Variants in KCNH7 observed in about 807,000 individuals in gnomAD.
The protein encoded by KCNH7 is voltage-gated inwardly rectifying potassium channel KCNH7.
KCNH7 carries 49 observed loss-of-function variants against 120.8 expected under a neutral mutation model. The observed-to-expected ratio is 0.41, with a 90% CI of 0.32 to 0.51. The LOEUF (loss-of-function observed/expected upper bound fraction) is 0.51. Ranked by LOEUF, KCNH7 falls within the 20% of genes least tolerant of loss-of-function variation. KCNH7 has a pLI of 0.38. For synonymous variants in KCNH7, 547 were observed against 516.1 expected (o/e 1.06, Z -0.81); for missense variants, 1,097 against 1,446.6 (o/e 0.76, Z 3.92).
At chr2:162,681,944 C>A (rs939251721) in intron 2 of KCNH7, among the ~76,000 whole-genome samples, 4 of 151,378 alleles carry the variant, frequency 2.6e-5, no homozygotes, top group African/African-American at 7.3e-5. Flanking sequence ...CTCTTTGACA[C>A]TTGTCATTTG....
At chr2:162,518,619 G>C (rs1258371126) in intron 3 of KCNH7, among the ~76,000 whole-genome samples, 1 of 151,692 alleles carries the variant, frequency 6.6e-6, no homozygotes, top group Admixed American at 6.6e-5. Flanking sequence ...GGAAGGAAGT[G>C]AGGTGAGGTA....
At chr2:162,547,173 G>T (rs1476370005) in intron 2 of KCNH7, among the ~76,000 whole-genome samples, 1 of 152,134 alleles carries the variant, frequency 6.6e-6, no homozygotes, top group African/African-American at 2.4e-5. Flanking sequence ...CAGATCTTGT[G>T]AGAATTCACT....
intron 2 of KCNH7, among the ~76,000 whole-genome samples, chr2:162,712,792 T>C (rs1350964679): frequency 6.6e-6 from 1 of 152,196 alleles, no homozygotes; most frequent in Non-Finnish European, 1.5e-5. Context: ...AGCTTTCACT[T>C]TCCAAGCCAC....
At chr2:162,640,698 A>G (rs1684122517) in intron 2 of KCNH7, among the ~76,000 whole-genome samples, 1 of 152,154 alleles carries the variant, frequency 6.6e-6, no homozygotes, top group Non-Finnish European at 1.5e-5. Context: ...AAAATTGACA[A>G]TTTGGATTTT....
Position 162,622,218 on chromosome 2 carries a change from C to T in KCNH7, c.308-85138G>A, listed in dbSNP as rs116749222. Among the ~76,000 whole-genome samples, 684 of 152,284 alleles carry T rather than the reference C, an allele frequency of 4.5e-3. 7 individuals carry two copies. Among genetic ancestry groups the T allele is most frequent in the African/African-American group, 0.016 (657 of 41,560 alleles). ...GTGCCTTGCTGATGAAAATGATCAG[C>T]TCGGCATTCACATAAAACATCATGG... On this transcript the variant is annotated intron_variant, in intron 2 of 15. Coordinates refer to ENST00000332142, the MANE Select transcript of KCNH7 (RefSeq NM_033272.4).
intron 6 of KCNH7, among the ~76,000 whole-genome samples, chr2:162,503,142 C>T (rs982690961): frequency 1.3e-5 from 2 of 152,054 alleles, no homozygotes; most frequent in African/African-American, 4.8e-5. Flanking sequence ...CCATGCTGTG[C>T]TTCTCTTTAA....
intron 2 of KCNH7, among the ~76,000 whole-genome samples, chr2:162,570,216 G>A (rs896733271): frequency 1.2e-4 from 18 of 149,582 alleles, no homozygotes; most frequent in African/African-American, 4.4e-4. Flanking sequence ...AGGTGCTCCT[G>A]TATTGGGTGC....
chr2:162,547,049 G>A (rs913355697), intron 2 of KCNH7, among the ~76,000 whole-genome samples: 2 of 152,052 alleles, frequency 1.3e-5, no homozygotes, highest in African/African-American at 2.4e-5. Flanking sequence ...GCATGGTTGG[G>A]GAGGCCTCAG....
chr2:162,536,909 A>C lies in KCNH7; in HGVS notation c.463+16T>G. ...GAATTATCAAGAGCATTGAGTACAC[A>C]TTGCCTTTTACTTACGGTTTACAGT... On this transcript the variant is annotated intron_variant, in intron 3 of 15. Transcript: ENST00000332142. 1 of 1,608,238 alleles carries C rather than the reference A, an allele frequency of 6.2e-7. No individual in the cohort carries two copies.
intron 2 of KCNH7, among the ~76,000 whole-genome samples, chr2:162,749,406 C>T (rs976198622): frequency 1.3e-5 from 2 of 152,078 alleles, no homozygotes; most frequent in African/African-American, 4.8e-5. Flanking sequence ...TCACAGAATA[C>T]ATTAGTGATC....
intron 2 of KCNH7, among the ~76,000 whole-genome samples, chr2:162,717,406 C>A (rs1220053285): frequency 6.6e-6 from 1 of 152,032 alleles, no homozygotes. Flanking sequence ...AGGTACTGTG[C>A]CCTTCATTAC....
chr2:162,801,469 A>C (rs1358630078), intron 2 of KCNH7, among the ~76,000 whole-genome samples: 1 of 151,698 alleles, frequency 6.6e-6, no homozygotes, highest in African/African-American at 2.4e-5. Context: ...AATTTCTTGA[A>C]GCACCATTTT....
At chr2:162,833,112 CT>C (rs1338346843) in intron 2 of KCNH7, among the ~76,000 whole-genome samples, 1 of 151,858 alleles carries the variant, frequency 6.6e-6, no homozygotes. Flanking sequence ...TTTATTTTTC[CT>C]GGAGAAATTT....
chr2:162,803,928 A>T (rs2105549497), intron 2 of KCNH7, among the ~76,000 whole-genome samples: 1 of 151,904 alleles, frequency 6.6e-6, no homozygotes, highest in Non-Finnish European at 1.5e-5. Flanking sequence ...TCTAAAAAAA[A>T]AATCAAGAAA....
chr2:162,527,797 T>G (rs572309448), intron 3 of KCNH7: 2 of 152,126 alleles, frequency 1.3e-5, no homozygotes, highest in South Asian at 4.1e-4. Context: ...AATGAAAAAG[T>G]ACACTTTAAA....
At chr2:162,702,138 TTAAAG>T (rs1330760613) in intron 2 of KCNH7, among the ~76,000 whole-genome samples, 1 of 152,122 alleles carries the variant, frequency 6.6e-6, no homozygotes, top group Non-Finnish European at 1.5e-5. Flanking sequence ...TTCGGTCCTT[TTAAAG>T]TAAAGCAAGA....
At chr2:162,538,942 A>T (rs747215932) in intron 2 of KCNH7, among the ~76,000 whole-genome samples, 2 of 152,070 alleles carry the variant, frequency 1.3e-5, no homozygotes, top group Non-Finnish European at 2.9e-5. Context: ...TGAAATGTGG[A>T]TAACTTTATT....
chr2:162,410,667 C>G (rs1399296810), intron 9 of KCNH7, among the ~76,000 whole-genome samples: 1 of 151,978 alleles, frequency 6.6e-6, no homozygotes, highest in African/African-American at 2.4e-5. Context: ...AGAAAACCTA[C>G]AGAATGGGAG....
intron 2 of KCNH7, among the ~76,000 whole-genome samples, chr2:162,783,221 A>C (rs953481408): frequency 1.3e-5 from 2 of 152,128 alleles, no homozygotes; most frequent in Non-Finnish European, 2.9e-5. Context: ...CTTTTCTGAC[A>C]ATCCAACTAT....
Sources: gnomAD v4.1 joint callset for allele counts (sites outside exome capture counted in the v4.1 genomes callset) on GRCh38, gnomAD v4.1.1 for gene constraint, MANE v1.5 for transcripts, NCBI Gene and HGNC (gene_info 2026-07-23, HGNC 2026-07-21) for gene names.